PPM1H: variants seen among roughly 807,000 people sequenced by gnomAD.
The protein encoded by PPM1H is protein phosphatase, Mg2+/Mn2+ dependent 1H.
PPM1H carries 27 observed loss-of-function variants against 54.9 expected under a neutral mutation model. That is an observed-to-expected ratio of 0.49 (90% CI 0.36 to 0.68). The LOEUF is 0.68. Ranked by LOEUF, PPM1H falls within the 30% of genes least tolerant of loss-of-function variation. The probability of loss-of-function intolerance (pLI) is 0.00; values close to 1 mark genes in which losing one functional copy is unlikely to be tolerated. For synonymous variants in PPM1H, 305 were observed against 270.8 expected (o/e 1.13, Z -1.24); for missense variants, 596 against 667.8 (o/e 0.89, Z 1.19).
intron 4 of PPM1H, among the ~76,000 whole-genome samples, chr12:62,764,630 C>T (rs180815362): frequency 2.0e-5 from 3 of 152,146 alleles, no homozygotes; most frequent in Admixed American, 2.0e-4. Context: ...GTTTACTCCT[C>T]GAGCACCTCC....
At chr12:62,921,399 G>A (rs954967552) in intron 1 of PPM1H, among the ~76,000 whole-genome samples, 3 of 152,038 alleles carry the variant, frequency 2.0e-5, no homozygotes, top group Non-Finnish European at 4.4e-5. Context: ...CCTCTCAGCT[G>A]GGCAAGTAAT....
In PPM1H at chr12:62,802,740, A is replaced by G. The variant is rs141206963; in HGVS notation, c.412-580T>C. Reference sequence around the variant, plus strand: ...GACTACAGGCGCGTGCCACCACACCAGGCTAATTTTTTTTTGTATTTTTAG... The same window carrying G: ...GACTACAGGCGCGTGCCACCACACCGGGCTAATTTTTTTTTGTATTTTTAG... On this transcript the variant is annotated intron_variant, in intron 2 of 9. Transcript: ENST00000228705. Among the ~76,000 whole-genome samples, 178 of 151,996 alleles carry G rather than the reference A, an allele frequency of 1.2e-3. 1 individual carries two copies. Among genetic ancestry groups the G allele is most frequent in the African/African-American group, 4.1e-3 (168 of 41,438 alleles).
chr12:62,666,024 T>C (rs773601817), intron 9 of PPM1H, among the ~76,000 whole-genome samples: 31 of 152,088 alleles, frequency 2.0e-4, no homozygotes, highest in Non-Finnish European at 3.8e-4. Flanking sequence ...CCACCATGCT[T>C]GGCTAAAAAA....
intron 3 of PPM1H, among the ~76,000 whole-genome samples, chr12:62,798,462 A>C (rs1270679066): frequency 6.6e-6 from 1 of 152,174 alleles, no homozygotes; most frequent in Non-Finnish European, 1.5e-5. Flanking sequence ...TCCAATTTCC[A>C]TAGTGGATTG....
Position 62,651,249 on chromosome 12 carries a change from T to A in PPM1H, c.1398-2613A>T, listed in dbSNP as rs1373106738. Among the ~76,000 whole-genome samples the A allele has an allele frequency of 4.6e-5, 7 of 152,212 alleles. No homozygotes were observed. The East Asian group carries it at 1.3e-3, about 29-fold the overall frequency. ...TGAAATGTGCCTCCCTTAAACCTTG[T>A]TACTACGTCAGCACATTACCCATGA... On this transcript the variant is annotated intron_variant, in intron 9 of 9. Transcript: ENST00000228705.
chr12:62,814,969 G>T (rs1329398506), intron 2 of PPM1H, among the ~76,000 whole-genome samples: 1 of 152,238 alleles, frequency 6.6e-6, no homozygotes, highest in Non-Finnish European at 1.5e-5. Flanking sequence ...ACAGTCCAGA[G>T]TATCTGCTAT....
At chr12:62,794,340 CTAATT>C (rs2076719449) in intron 3 of PPM1H, among the ~76,000 whole-genome samples, 1 of 152,190 alleles carries the variant, frequency 6.6e-6, no homozygotes, top group African/African-American at 2.4e-5. Flanking sequence ...TCTATAAACA[CTAATT>C]TATAGATTTC....
At chr12:62,651,581 T>C (rs1295189104) in intron 9 of PPM1H, among the ~76,000 whole-genome samples, 3 of 152,212 alleles carry the variant, frequency 2.0e-5, no homozygotes, top group African/African-American at 7.2e-5. Context: ...GGGCTGTAGG[T>C]AATTAAGGTT....
intron 6 of PPM1H, among the ~76,000 whole-genome samples, chr12:62,695,548 C>G (rs550229966): frequency 2.6e-5 from 4 of 151,992 alleles, no homozygotes; most frequent in Non-Finnish European, 5.9e-5. Flanking sequence ...CCAAATCTAC[C>G]AAACTAACAC....
chr12:62,783,784 C>T (rs1433123708), intron 4 of PPM1H, among the ~76,000 whole-genome samples: 1 of 152,162 alleles, frequency 6.6e-6, no homozygotes, highest in Non-Finnish European at 1.5e-5. Flanking sequence ...ATCTTAAATG[C>T]TTTTTAAAAC....
intron 9 of PPM1H, among the ~76,000 whole-genome samples, chr12:62,658,566 C>T (rs1314911250): frequency 6.6e-6 from 1 of 152,026 alleles, no homozygotes; most frequent in South Asian, 2.1e-4. Context: ...GTTTGAGTGC[C>T]TTCTCCAAAT....
chr12:62,923,623 A>G (rs940278655), intron 1 of PPM1H, among the ~76,000 whole-genome samples: 1 of 152,156 alleles, frequency 6.6e-6, no homozygotes, highest in African/African-American at 2.4e-5. Context: ...GCTGGTCTCG[A>G]GCTCCTGACC....
rs545784379 is a variant in PPM1H, at chr12:62,821,515, G to T, written c.411+10599C>A. The stretch of plus-strand genomic sequence containing the variant: ...AATGAAGGAAAAAATGTTAAGGGCA[G>T]CCAGAGAGAAAGGTCGGGTTACCTG... On this transcript the variant is annotated intron_variant, in intron 2 of 9. Coordinates refer to ENST00000228705, the MANE Select transcript of PPM1H (RefSeq NM_020700.2). 2.6e-5 allele frequency among the ~76,000 whole-genome samples: 4 copies of T among 152,300 alleles called. No homozygotes were observed. The East Asian group carries it at 7.7e-4, about 29-fold the overall frequency.
intron 1 of PPM1H, among the ~76,000 whole-genome samples, chr12:62,920,297 T>A (rs28556303): frequency 0.016 from 2,381 of 152,228 alleles, 67 homozygotes; most frequent in African/African-American, 0.054. Flanking sequence ...TATTTCCTCT[T>A]TTATGTTACA....
At chr12:62,714,739 C>A (rs1428230942) in intron 6 of PPM1H, among the ~76,000 whole-genome samples, 2 of 152,144 alleles carry the variant, frequency 1.3e-5, no homozygotes, top group African/African-American at 4.8e-5. Flanking sequence ...GTTACCAGTC[C>A]AGCCTGCCCC....
At chr12:62,733,659 C>T (rs1182190055) in intron 5 of PPM1H, among the ~76,000 whole-genome samples, 2 of 152,154 alleles carry the variant, frequency 1.3e-5, no homozygotes, top group Non-Finnish European at 2.9e-5. Context: ...TATTCTAACT[C>T]AGGGTATTTT....
At chr12:62,881,888 A>G (rs1423747427) in intron 1 of PPM1H, among the ~76,000 whole-genome samples, 1 of 152,108 alleles carries the variant, frequency 6.6e-6, no homozygotes, top group Admixed American at 6.6e-5. Flanking sequence ...TCCACTCTCC[A>G]GATCAGCCTT....
chr12:62,796,763 G>A lies in PPM1H; in HGVS notation c.756+5053C>T, dbSNP rs115433977. Among the ~76,000 whole-genome samples, 561 of 152,294 alleles carry A rather than the reference G, an allele frequency of 3.7e-3. 3 individuals carry two copies. The highest frequency in any genetic ancestry group is 0.013 in the African/African-American group (545 of 41,560). ...CATGAGGTTGAGGATGCGTGCACCC[G>A]TGTGCGCGCACACACACACACAAAT... On this transcript the variant is annotated intron_variant, in intron 3 of 9. Transcript: ENST00000228705.
chr12:62,718,631 T>C lies in PPM1H; in HGVS notation c.1073+1540A>G, dbSNP rs538186700. On this transcript the variant is annotated intron_variant, in intron 6 of 9. Transcript: ENST00000228705. ...TGCTGTCTTTTAGATCTACTCTTTT[T>C]ATGTGTTTACAACCATGTGGGTTCC... Among the ~76,000 whole-genome samples, 6 of 152,300 alleles carry C rather than the reference T, an allele frequency of 3.9e-5. No homozygotes were observed. The East Asian group carries it at 9.6e-4, about 24-fold the overall frequency.
Sources: gnomAD v4.1 joint callset for allele counts (sites outside exome capture counted in the v4.1 genomes callset) on GRCh38, gnomAD v4.1.1 for gene constraint, MANE v1.5 for transcripts, NCBI Gene and HGNC (gene_info 2026-07-23, HGNC 2026-07-21) for gene names.